The following TNIK variants were observed in gnomAD, a reference collection of about 807,000 sequenced individuals.
The protein encoded by TNIK is TRAF2 and NCK interacting kinase, also known as TRAF2 and NCK-interacting protein kinase.
TNIK carries 49 observed loss-of-function variants against 191.3 expected under a neutral mutation model. The ratio of observed to expected loss-of-function variants is 0.26; its 90% CI spans 0.20 to 0.32. The LOEUF (loss-of-function observed/expected upper bound fraction) is 0.32, where lower values mean the gene tolerates loss of function less well. Among genes scored for constraint, TNIK ranks in the 10% least tolerant of loss-of-function variants. The pLI, the probability that TNIK is intolerant of heterozygous loss-of-function variation, is 1.00. For synonymous variants in TNIK, 594 were observed against 600.9 expected (o/e 0.99, Z 0.17); for missense variants, 1,155 against 1,702.3 (o/e 0.68, Z 5.66).
At chr3:171,190,634 A>T in intron 6 of TNIK, 63 bp downstream of exon 6, 2 of 1,255,288 alleles carry the variant, frequency 1.6e-6, no homozygotes, top group Non-Finnish European at 2.2e-6. Flanking sequence ...TAATTTTTTT[A>T]GAGCTGTTAA....
At chr3:171,377,021 C>T (rs1222734134) in intron 1 of TNIK, among the ~76,000 whole-genome samples, 5 of 152,178 alleles carry the variant, frequency 3.3e-5, no homozygotes, top group Admixed American at 1.3e-4. Flanking sequence ...TTTACAATGT[C>T]GCATCCTGCG....
At chr3:171,072,870 T>G (rs940467579) in intron 28 of TNIK, among the ~76,000 whole-genome samples, 2 of 151,544 alleles carry the variant, frequency 1.3e-5, no homozygotes, top group African/African-American at 4.8e-5. Context: ...ACCAAGAAGG[T>G]GAAAGACCCC....
chr3:171,451,660 C>T (rs1728190870), intron 1 of TNIK, among the ~76,000 whole-genome samples: 1 of 152,154 alleles, frequency 6.6e-6, no homozygotes, highest in Admixed American at 6.5e-5. Context: ...TTGGCATATT[C>T]ACAAAACAGA....
chr3:171,199,097 G>T (rs1410809689), intron 4 of TNIK, among the ~76,000 whole-genome samples: 1 of 151,976 alleles, frequency 6.6e-6, no homozygotes, highest in Non-Finnish European at 1.5e-5. Context: ...AGGCACTACT[G>T]TCAGTGATTT....
In TNIK at chr3:171,139,492, A is replaced by G; in HGVS notation, c.1397T>C (p.Leu466Pro). ...RQLEILQQQL[L>P]HEQALLLEYK... ...TACCAGAAGTAGAGCTTGTTCATGC[A>G]GTAGCTGCTGCTGCAAGATCTCTAA... Residue 466 changes from leucine to proline, a missense_variant, in exon 14 of 33, where the codon CTG becomes CCG. Leu to Pro is a moderately conservative substitution (Grantham distance 98). This residue lies in a region of TNIK where 735 missense variants were observed against 848.0 expected (regional missense o/e 0.87). Coordinates refer to ENST00000436636, the MANE Select transcript of TNIK (RefSeq NM_015028.4). The G allele has an allele frequency of 6.2e-7, 1 of 1,613,572 alleles. No individual in the cohort carries two copies. The highest frequency in any genetic ancestry group is 8.5e-7 in the Non-Finnish European group (1 of 1,179,630).
intron 23 of TNIK, among the ~76,000 whole-genome samples, chr3:171,091,723 A>G (rs943624209): frequency 4.6e-5 from 7 of 151,660 alleles, no homozygotes; most frequent in African/African-American, 1.7e-4. Flanking sequence ...TGACAGAGCG[A>G]GACTCCATCT....
chr3:171,220,386 T>C (rs1742155919), intron 3 of TNIK, among the ~76,000 whole-genome samples: 2 of 152,006 alleles, frequency 1.3e-5, no homozygotes, highest in South Asian at 4.1e-4. Context: ...GAACTTAAAG[T>C]ATAATGAAAA....
chr3:171,137,535 GC>G (rs1278894356), intron 15 of TNIK, among the ~76,000 whole-genome samples: 3 of 152,144 alleles, frequency 2.0e-5, no homozygotes, highest in Non-Finnish European at 4.4e-5. Context: ...TACCTGTCTG[GC>G]TATCACCCTT....
intron 11 of TNIK, among the ~76,000 whole-genome samples, chr3:171,158,028 A>T (rs1198474222): frequency 6.6e-6 from 1 of 152,140 alleles, no homozygotes; most frequent in Admixed American, 6.5e-5. Flanking sequence ...CCCAGACTGG[A>T]TTATTTTCAA....
rs1429865301 is a variant in TNIK, at chr3:171,128,722, C to T, written c.1765G>A (p.Asp589Asn). The T allele has an allele frequency of 3.1e-6, 5 of 1,611,682 alleles. No individual in the cohort carries two copies. The highest frequency in any genetic ancestry group is 2.5e-6 in the Non-Finnish European group (3 of 1,179,026). The change falls in exon 16 of 33, where the codon GAT (aspartate) becomes AAT (asparagine). Residue 589 changes from aspartate to asparagine, a missense_variant. Physicochemically the swap from Asp to Asn is conservative, Grantham distance 23. Coordinates refer to ENST00000436636, the MANE Select transcript of TNIK (RefSeq NM_015028.4). ...ATGGAGGCAGACTGTACCTGGGGAT[C>T]GACTGGTCTGAGCATGGGGGGTGTT... ...ARTPPMLRPV[D>N]PQIPHLVAVK...
rs180843148 is a variant in TNIK, at chr3:171,094,951, C to G, written c.2592-983G>C. 6.6e-5 allele frequency among the ~76,000 whole-genome samples: 10 copies of G among 152,122 alleles called. No homozygotes were observed. In the East Asian group the frequency reaches 1.9e-3, roughly 29 times the overall value. ...GTACCCAGCCTAGAGTTGTCACATACTAGGAATGCAAAAAATGATTATTAG... is the reference window on the plus strand; with the variant it reads ...GTACCCAGCCTAGAGTTGTCACATAGTAGGAATGCAAAAAATGATTATTAG... On this transcript the variant is annotated intron_variant, in intron 22 of 32. Coordinates refer to ENST00000436636, the MANE Select transcript of TNIK (RefSeq NM_015028.4).
At chr3:171,172,001 G>C (rs571019631) in intron 9 of TNIK, among the ~76,000 whole-genome samples, 35 of 152,166 alleles carry the variant, frequency 2.3e-4, no homozygotes, top group Non-Finnish European at 4.3e-4. Flanking sequence ...TACCACAAAG[G>C]CCTCTCCTCA....
chr3:171,201,216 A>G (rs1043239094), intron 4 of TNIK, among the ~76,000 whole-genome samples: 9 of 152,166 alleles, frequency 5.9e-5, no homozygotes, highest in African/African-American at 1.9e-4. Flanking sequence ...CCTGACCAAC[A>G]TGGAGAAACC....
intron 2 of TNIK, among the ~76,000 whole-genome samples, chr3:171,289,738 C>T (rs1005965760): frequency 6.6e-6 from 1 of 151,852 alleles, no homozygotes; most frequent in Admixed American, 6.6e-5. Flanking sequence ...CCCGTCTCTA[C>T]TAAAAATATG....
At chr3:171,136,961 T>TA (rs1365187803) in intron 15 of TNIK, among the ~76,000 whole-genome samples, 1 of 152,118 alleles carries the variant, frequency 6.6e-6, no homozygotes, top group African/African-American at 2.4e-5. Context: ...GGGAAAGTGA[T>TA]AAAAAATTCT....
intron 4 of TNIK, among the ~76,000 whole-genome samples, chr3:171,201,552 G>A (rs1053276759): frequency 1.3e-5 from 2 of 152,182 alleles, no homozygotes; most frequent in Non-Finnish European, 2.9e-5. Context: ...GATCTCATCT[G>A]CATGATTTAT....
chr3:171,446,014 G>A (rs1476826799), intron 1 of TNIK, among the ~76,000 whole-genome samples: 2 of 152,150 alleles, frequency 1.3e-5, no homozygotes. Context: ...ATCAAGCAGA[G>A]TCATCGAGTG....
At chr3:171,082,662 G>A in intron 26 of TNIK, 1 of 357,148 alleles carries the variant, frequency 2.8e-6, no homozygotes, top group East Asian at 5.0e-5. Flanking sequence ...TTGTCAATAG[G>A]AGCCTTAGGC....
chr3:171,342,874 T>C (rs552280882), intron 2 of TNIK, among the ~76,000 whole-genome samples: 5 of 152,324 alleles, frequency 3.3e-5, no homozygotes, highest in Admixed American at 6.5e-5. Context: ...GTGTTGGTTT[T>C]TCCCATGCTG....
Sources: gnomAD v4.1 joint callset for allele counts (sites outside exome capture counted in the v4.1 genomes callset) on GRCh38, gnomAD v4.1.1 for gene constraint, gnomAD v4.1.1 regional missense constraint, MANE v1.5 for transcripts, NCBI Gene and HGNC (gene_info 2026-07-23, HGNC 2026-07-21) for gene names.